WWOX: variants seen among roughly 807,000 people sequenced by gnomAD.
WWOX encodes the protein WW domain containing oxidoreductase.
Under a neutral mutation model 46.2 loss-of-function variants are expected in WWOX, and 69 were observed. The observed-to-expected ratio is 1.49, with a 90% CI of 1.23 to 1.82. The LOEUF is 1.82. Among genes scored for constraint, WWOX ranks in the 40% most tolerant of loss-of-function variants. The pLI, the probability that WWOX is intolerant of heterozygous loss-of-function variation, is 0.00. For missense variants in WWOX, 919 were observed against 542.6 expected (o/e 1.69, Z -6.89); for synonymous variants, 359 against 202.6 (o/e 1.77, Z -6.56).
intron 5 of WWOX, among the ~76,000 whole-genome samples, chr16:78,240,898 T>C (rs11641579): frequency 0.11 from 17,328 of 150,994 alleles, 1,231 homozygotes; most frequent in Middle Eastern, 0.22. Context: ...GCCAAAGGGC[T>C]GAGAGGGAGA....
At chr16:78,868,513 A>T (rs921782935) in intron 8 of WWOX, among the ~76,000 whole-genome samples, 4 of 152,352 alleles carry the variant, frequency 2.6e-5, no homozygotes, top group Middle Eastern at 3.4e-3. Context: ...TGGTTAAATC[A>T]TATGGTATGT....
At chr16:78,622,643 G>T (rs187831831) in intron 8 of WWOX, among the ~76,000 whole-genome samples, 319 of 151,694 alleles carry the variant, frequency 2.1e-3, no homozygotes, top group Non-Finnish European at 3.7e-3. Flanking sequence ...TCCAAGGCCT[G>T]ATGTGATCAC....
At chr16:79,114,656 C>G (rs899904750) in intron 8 of WWOX, among the ~76,000 whole-genome samples, 8 of 152,092 alleles carry the variant, frequency 5.3e-5, no homozygotes, top group Non-Finnish European at 8.8e-5. Flanking sequence ...AGAGAATAAA[C>G]TTGTATTGTT....
At chr16:79,211,325 C>T (rs978289206) in intron 8 of WWOX, among the ~76,000 whole-genome samples, 3 of 152,270 alleles carry the variant, frequency 2.0e-5, no homozygotes, top group South Asian at 2.1e-4. Context: ...GCGCCTGCCA[C>T]GACGTATTGA....
At chr16:78,269,183 G>A (rs1195893740) in intron 5 of WWOX, 3 of 152,188 alleles carry the variant, frequency 2.0e-5, no homozygotes, top group Non-Finnish European at 4.4e-5. Flanking sequence ...GTGGAATTAA[G>A]AGCTTCATGC....
At chr16:78,790,618 A>T (rs1174656567) in intron 8 of WWOX, among the ~76,000 whole-genome samples, 1 of 152,228 alleles carries the variant, frequency 6.6e-6, no homozygotes, top group Non-Finnish European at 1.5e-5. Context: ...TCTCTGGCAG[A>T]TTAATTTTCT....
chr16:79,043,652 A>G (rs948799650), intron 8 of WWOX, among the ~76,000 whole-genome samples: 3 of 152,364 alleles, frequency 2.0e-5, no homozygotes, highest in Middle Eastern at 3.4e-3. Flanking sequence ...AATTTGAGAC[A>G]TGATGATTTT....
At chr16:78,978,519 A>G (rs1276495569) in intron 8 of WWOX, among the ~76,000 whole-genome samples, 2 of 152,186 alleles carry the variant, frequency 1.3e-5, no homozygotes, top group African/African-American at 2.4e-5. Flanking sequence ...TGGCACTGCT[A>G]TAAAGAAATG....
chr16:78,336,904 G>A (rs1815215), intron 5 of WWOX, among the ~76,000 whole-genome samples: 9,823 of 152,068 alleles, frequency 0.065, 477 homozygotes, highest in East Asian at 0.21. Context: ...TCAGCCTCCT[G>A]AGTAGCTGGG....
At chr16:78,974,350 T>A (rs1458327037) in intron 8 of WWOX, among the ~76,000 whole-genome samples, 1 of 152,188 alleles carries the variant, frequency 6.6e-6, no homozygotes, top group Non-Finnish European at 1.5e-5. Context: ...GTCACATCAA[T>A]AAACATCTTA....
chr16:78,808,852 CTCA>C (rs1567574710), intron 8 of WWOX, among the ~76,000 whole-genome samples: 1 of 152,134 alleles, frequency 6.6e-6, no homozygotes, highest in Non-Finnish European at 1.5e-5. Context: ...ACGGCTGCCC[CTCA>C]TTTGAACACA....
intron 8 of WWOX, among the ~76,000 whole-genome samples, chr16:79,007,162 G>A (rs986751475): frequency 1.9e-4 from 29 of 152,264 alleles, no homozygotes; most frequent in African/African-American, 6.3e-4. Context: ...TTATGTTCCA[G>A]TGAGGGTGAA....
At chr16:78,713,797 A>G (rs146985520) in intron 8 of WWOX, among the ~76,000 whole-genome samples, 5,005 of 152,142 alleles carry the variant, frequency 0.033, 118 homozygotes, top group Non-Finnish European at 0.047. Flanking sequence ...AGTCTGTCAC[A>G]TTTTCTTATG....
chr16:78,318,746 T>A (rs1219724712), intron 5 of WWOX, among the ~76,000 whole-genome samples: 1 of 152,174 alleles, frequency 6.6e-6, no homozygotes, highest in Non-Finnish European at 1.5e-5. Flanking sequence ...ATTTTAACAC[T>A]ATTCTGATAT....
At chr16:79,147,430 G>A (rs917743132) in intron 8 of WWOX, among the ~76,000 whole-genome samples, 2 of 152,210 alleles carry the variant, frequency 1.3e-5, no homozygotes, top group African/African-American at 4.8e-5. Flanking sequence ...CGTGTCGGTA[G>A]CTTGTTTAAT....
At chr16:78,664,917 G>A (rs960300370) in intron 8 of WWOX, among the ~76,000 whole-genome samples, 1 of 152,194 alleles carries the variant, frequency 6.6e-6, no homozygotes, top group African/African-American at 2.4e-5. Context: ...ACTGGAATTG[G>A]CTCTGTCATG....
chr16:78,499,719 G>C (rs1293991995), intron 8 of WWOX, among the ~76,000 whole-genome samples: 1 of 151,974 alleles, frequency 6.6e-6, no homozygotes. Flanking sequence ...TTTTTAATCT[G>C]TAGCTCCAGT....
chr16:78,591,464 C>T (rs1042473785), intron 8 of WWOX, among the ~76,000 whole-genome samples: 2 of 152,226 alleles, frequency 1.3e-5, no homozygotes, highest in African/African-American at 4.8e-5. Flanking sequence ...TGCATCCCCT[C>T]TTCCCTCTCA....
At chr16:78,827,680 A>T (rs1305214811) in intron 8 of WWOX, among the ~76,000 whole-genome samples, 2 of 151,670 alleles carry the variant, frequency 1.3e-5, no homozygotes, top group Non-Finnish European at 2.9e-5. Context: ...TAAAAATAAA[A>T]AAAAAAAAAA....
Sources: gnomAD v4.1 joint callset for allele counts (sites outside exome capture counted in the v4.1 genomes callset) on GRCh38, gnomAD v4.1.1 for gene constraint, MANE v1.5 for transcripts, NCBI Gene and HGNC (gene_info 2026-07-23, HGNC 2026-07-21) for gene names.